Variants in MNAT1 observed in about 807,000 individuals in gnomAD.
The protein encoded by MNAT1 is CDK-activating kinase assembly factor MAT1.
Under a neutral mutation model 42.0 loss-of-function variants are expected in MNAT1, and 43 were observed. That is an observed-to-expected ratio of 1.02 (90% CI 0.80 to 1.32). The LOEUF is 1.32. Among genes scored for constraint, MNAT1 ranks in the 40% most tolerant of loss-of-function variants. The probability of loss-of-function intolerance (pLI) is 0.00; values close to 1 mark genes in which losing one functional copy is unlikely to be tolerated. For missense variants in MNAT1, 306 were observed against 350.4 expected (o/e 0.87, Z 1.01); for synonymous variants, 118 against 120.0 (o/e 0.98, Z 0.11).
chr14:60,870,892 A>C (rs1566803924), intron 6 of MNAT1, among the ~76,000 whole-genome samples: 1 of 152,176 alleles, frequency 6.6e-6, no homozygotes, highest in African/African-American at 2.4e-5. Flanking sequence ...TCATTTGCAG[A>C]CACAACACAT....
At chr14:60,884,316 A>G (rs2034614185) in intron 7 of MNAT1, among the ~76,000 whole-genome samples, 1 of 151,910 alleles carries the variant, frequency 6.6e-6, no homozygotes, top group Admixed American at 6.6e-5. Flanking sequence ...CATCAGTTGA[A>G]GTGATCATAT....
At chr14:60,911,003 C>T (rs2035341980) in intron 7 of MNAT1, among the ~76,000 whole-genome samples, 1 of 152,092 alleles carries the variant, frequency 6.6e-6, no homozygotes, top group African/African-American at 2.4e-5. Flanking sequence ...TATTTCTGAG[C>T]CTGTTATTGG....
intron 6 of MNAT1, among the ~76,000 whole-genome samples, chr14:60,853,832 A>G (rs1422316257): frequency 6.6e-6 from 1 of 152,150 alleles, no homozygotes; most frequent in Non-Finnish European, 1.5e-5. Flanking sequence ...GGTTCTGTTT[A>G]TGTGATTGAT....
intron 6 of MNAT1, among the ~76,000 whole-genome samples, chr14:60,870,086 T>A (rs1468919594): frequency 6.6e-6 from 1 of 152,172 alleles, no homozygotes; most frequent in African/African-American, 2.4e-5. Flanking sequence ...AATACTGCCA[T>A]GTATAACTAC....
intron 7 of MNAT1, among the ~76,000 whole-genome samples, chr14:60,910,439 C>A (rs2035322734): frequency 6.6e-6 from 1 of 152,122 alleles, no homozygotes; most frequent in Admixed American, 6.5e-5. Flanking sequence ...TTTGTCCATT[C>A]AGTATGATAT....
At chr14:60,925,845 T>C (rs2035753946) in intron 7 of MNAT1, among the ~76,000 whole-genome samples, 1 of 152,188 alleles carries the variant, frequency 6.6e-6, no homozygotes, top group African/African-American at 2.4e-5. Flanking sequence ...TGTCCCCGAT[T>C]TCACTTCTAA....
intron 1 of MNAT1, among the ~76,000 whole-genome samples, chr14:60,784,876 G>A (rs1228101858): frequency 6.7e-6 from 1 of 148,892 alleles, no homozygotes; most frequent in Admixed American, 6.7e-5. Flanking sequence ...TTTTGAGAAC[G>A]AGTCTCAACT....
chr14:60,886,469 G>A (rs2034673366), intron 7 of MNAT1, among the ~76,000 whole-genome samples: 1 of 151,726 alleles, frequency 6.6e-6, no homozygotes, highest in African/African-American at 2.4e-5. Context: ...TTGTTCTTAA[G>A]TATCTTAATC....
In MNAT1 at chr14:60,746,931, C is replaced by G. The variant is rs796105258; in HGVS notation, c.89+11980C>G. Among the ~76,000 whole-genome samples, 6 of 9,294 alleles carry G rather than the reference C, an allele frequency of 6.5e-4. 1 individual carries two copies. Among genetic ancestry groups the G allele is most frequent in the South Asian group, 3.8e-3 (1 of 264 alleles). The allele number at this position is 9,294 out of a possible 152,430, so 6.1% of individuals were successfully genotyped here. A position where few individuals can be genotyped will look rare whatever the true frequency, so the allele number is the denominator to read the frequency against. On this transcript the variant is annotated intron_variant, in intron 1 of 7. Coordinates refer to ENST00000261245, the MANE Select transcript of MNAT1 (RefSeq NM_002431.4). ...ATATATATATATATATATACACACA[C>G]ACACACACACACACACACACACACA...
At chr14:60,754,483 G>A (rs981273157) in intron 1 of MNAT1, among the ~76,000 whole-genome samples, 2 of 151,946 alleles carry the variant, frequency 1.3e-5, no homozygotes, top group Non-Finnish European at 2.9e-5. Context: ...GAGTAGCTGG[G>A]ACTACAGGCG....
chr14:60,904,036 T>A (rs1434819719), intron 7 of MNAT1, among the ~76,000 whole-genome samples: 1 of 152,178 alleles, frequency 6.6e-6, no homozygotes, highest in South Asian at 2.1e-4. Flanking sequence ...CACATCTGAC[T>A]GATTTTTGTA....
intron 6 of MNAT1, among the ~76,000 whole-genome samples, chr14:60,825,149 G>A (rs72722269): frequency 8.7e-4 from 132 of 152,218 alleles, no homozygotes; most frequent in Non-Finnish European, 1.6e-3. Context: ...TCTAAAAATA[G>A]GATAGCCAAT....
intron 3 of MNAT1, among the ~76,000 whole-genome samples, chr14:60,804,687 G>A (rs909153036): frequency 1.3e-5 from 2 of 151,942 alleles, no homozygotes; most frequent in African/African-American, 4.8e-5. Flanking sequence ...CACCACACTT[G>A]GTTAATTTAA....
intron 6 of MNAT1, among the ~76,000 whole-genome samples, chr14:60,858,938 T>G (rs1298557194): frequency 6.6e-6 from 1 of 152,222 alleles, no homozygotes; most frequent in Non-Finnish European, 1.5e-5. Flanking sequence ...ATAAAAAATG[T>G]GTGTGACTCA....
At chr14:60,758,445 C>T (rs1385218025) in intron 1 of MNAT1, among the ~76,000 whole-genome samples, 2 of 151,966 alleles carry the variant, frequency 1.3e-5, no homozygotes, top group Non-Finnish European at 2.9e-5. Context: ...TCAAGTGATC[C>T]TCCCACCTCA....
chr14:60,806,924 T>G (rs1295041850), intron 3 of MNAT1, among the ~76,000 whole-genome samples: 3 of 152,216 alleles, frequency 2.0e-5, no homozygotes, highest in Non-Finnish European at 4.4e-5. Context: ...TCCCTCTGAC[T>G]GTTTTGTGTC....
At chr14:60,785,420 T>C (rs1356808487) in intron 1 of MNAT1, among the ~76,000 whole-genome samples, 2 of 152,186 alleles carry the variant, frequency 1.3e-5, no homozygotes, top group Admixed American at 6.5e-5. Flanking sequence ...TTCCCTAGTG[T>C]TTATTAGGGA....
At chr14:60,805,223 C>T (rs8022056) in intron 3 of MNAT1, among the ~76,000 whole-genome samples, 44 of 133,590 alleles carry the variant, frequency 3.3e-4, no homozygotes, top group African/African-American at 9.5e-4. Context: ...TTTCTTTTTT[C>T]TTTTTTTTTA....
intron 1 of MNAT1, among the ~76,000 whole-genome samples, chr14:60,756,917 A>G (rs1291814048): frequency 6.6e-6 from 1 of 152,172 alleles, no homozygotes; most frequent in Non-Finnish European, 1.5e-5. Flanking sequence ...CAGTTTAAGT[A>G]GTAGCCTACA....
Sources: allele counts gnomAD v4.1 joint callset (sites outside exome capture counted in the v4.1 genomes callset), GRCh38; gene constraint gnomAD v4.1.1; transcripts MANE v1.5; gene names NCBI Gene and HGNC (gene_info 2026-07-23, HGNC 2026-07-21).